Variants in MYRF observed in about 807,000 individuals in gnomAD.
MYRF encodes the protein myelin gene regulatory factor.
In MYRF, 16 loss-of-function variants were observed where a neutral mutation model predicts 126.3. The observed-to-expected ratio is 0.13, with a 90% CI of 0.09 to 0.19. The LOEUF is 0.19. Among genes scored for constraint, MYRF ranks in the 10% least tolerant of loss-of-function variants. The probability of loss-of-function intolerance (pLI) is 1.00; values close to 1 mark genes in which losing one functional copy is unlikely to be tolerated. For synonymous variants in MYRF, 608 were observed against 635.3 expected (o/e 0.96, Z 0.65); for missense variants, 1,104 against 1,547.0 (o/e 0.71, Z 4.80).
chr11:61,763,011 T>C (rs2065942429), intron 1 of MYRF, among the ~76,000 whole-genome samples: 1 of 152,014 alleles, frequency 6.6e-6, no homozygotes. Context: ...TAGGGGCGAT[T>C]AGGAGTGCTC....
intron 1 of MYRF, among the ~76,000 whole-genome samples, chr11:61,764,814 C>T (rs937067691): frequency 1.3e-5 from 2 of 152,196 alleles, no homozygotes; most frequent in African/African-American, 4.8e-5. Context: ...CCGGGGCCAG[C>T]GCAGAGGGCC....
At chr11:61,763,590 G>A (rs1172201873) in intron 1 of MYRF, among the ~76,000 whole-genome samples, 2 of 152,238 alleles carry the variant, frequency 1.3e-5, no homozygotes, top group East Asian at 1.9e-4. Flanking sequence ...TAGGCTGGGC[G>A]TGGTGGCTCA....
At chr11:61,773,267 C>T (rs1234697774) in intron 7 of MYRF, among the ~76,000 whole-genome samples, 2 of 152,092 alleles carry the variant, frequency 1.3e-5, no homozygotes, top group African/African-American at 2.4e-5. Context: ...GGATTACAGG[C>T]GTGAGCCACC....
At chr11:61,773,489 C>A (rs150985113) in intron 7 of MYRF, among the ~76,000 whole-genome samples, 2 of 152,304 alleles carry the variant, frequency 1.3e-5, no homozygotes, top group Non-Finnish European at 2.9e-5. Context: ...AGCCGGTGGG[C>A]AGGGGCTGGG....
rs752119624 is a variant in MYRF at position 61,780,797 on chromosome 11, G to C, written c.2486+5G>C. ...GAGTGAGGCCTTGTGCCCATGGTACGTGCTGACCAGCGCCCCTCTCCTCTG... is the reference window on the plus strand; with the variant it reads ...GAGTGAGGCCTTGTGCCCATGGTACCTGCTGACCAGCGCCCCTCTCCTCTG... On this transcript the variant is annotated splice_donor_5th_base_variant and intron_variant, in intron 19 of 26. Transcript: ENST00000278836. 6.5e-7 allele frequency: 1 copy of C among 1,545,122 alleles called. No individual in the cohort carries two copies. The highest frequency in any genetic ancestry group is 8.7e-7 in the Non-Finnish European group (1 of 1,148,274).
At chr11:61,760,366 G>C (rs1286594672) in intron 1 of MYRF, among the ~76,000 whole-genome samples, 1 of 152,208 alleles carries the variant, frequency 6.6e-6, no homozygotes, top group Non-Finnish European at 1.5e-5. Context: ...CCACAGCACT[G>C]GGGGCCCTCT....
chr11:61,769,936 C>T (rs2066163788), intron 4 of MYRF, among the ~76,000 whole-genome samples: 1 of 151,926 alleles, frequency 6.6e-6, no homozygotes, highest in Non-Finnish European at 1.5e-5. Flanking sequence ...AGAGGAGGAG[C>T]AGGCCTCAGA....
chr11:61,753,696 C>G (rs1337124093), intron 1 of MYRF, among the ~76,000 whole-genome samples: 4 of 151,960 alleles, frequency 2.6e-5, no homozygotes. Flanking sequence ...TGACATACAC[C>G]CCATAATATC....
chr11:61,786,328 C>T lies in MYRF; in HGVS notation c.*185C>T, dbSNP rs975012160. The T allele has an allele frequency of 3.3e-5, 21 of 639,626 alleles. No homozygotes were observed. The highest frequency in any genetic ancestry group is 3.0e-4 in the East Asian group (11 of 36,456). The allele number at this position is 639,626 out of a possible 1,614,324, so 39.6% of individuals were successfully genotyped here. On this transcript the variant is annotated 3_prime_UTR_variant, in exon 27 of 27. Coordinates refer to ENST00000278836, the MANE Select transcript of MYRF (RefSeq NM_001127392.3). This position sits in a 1 kb window ranked among gnomAD's most constrained non-coding sequence, Gnocchi z 4.5. ...TGCTGTTCCAGCTGGTCGCCCCTCA[C>T]GGCACAGAGGGAACCTGAGAGCCAG...
rs1333882333 is a variant in MYRF, at chr11:61,752,686, C to T, written c.-59C>T. On this transcript the variant is annotated 5_prime_UTR_variant, in exon 1 of 27. Coordinates refer to ENST00000278836, the MANE Select transcript of MYRF (RefSeq NM_001127392.3). ...CGCGCGGGCCGCGCCGGCGATGCCG[C>T]GCCCCCGGGCCGGGCTGTAGCGGGG... 1.2e-5 allele frequency: 15 copies of T among 1,233,094 alleles called. No individual in the cohort carries two copies. The highest frequency in any genetic ancestry group is 3.2e-5 in the East Asian group (1 of 31,306). 76.4% of individuals were successfully genotyped at this position (1,233,094 alleles called of 1,614,324 possible).
At position 61,776,390 on chromosome 11, in the gene MYRF, C is replaced by T; in HGVS notation, c.1457C>T (p.Ala486Val). The change falls in exon 10 of 27, where the codon GCT becomes GTT. Residue 486 changes from alanine to valine, a missense_variant. Physicochemically the swap from Ala to Val is moderately conservative, Grantham distance 64. Transcript: ENST00000278836. This position sits in a 1 kb window ranked among gnomAD's most constrained non-coding sequence, Gnocchi z 4.3. ...VGRLHFSETT[A>V]NNMRKKGKPN... ...CGGCTGCACTTCAGCGAGACCACCG[C>T]TAACAACATGCGTAAGAAGGGCAAG... 1 of 1,613,166 alleles carries T rather than the reference C, an allele frequency of 6.2e-7. No homozygotes were observed. Among genetic ancestry groups the T allele is most frequent in the South Asian group, 1.1e-5 (1 of 91,074 alleles).
At position 61,777,899 on chromosome 11, in the gene MYRF, T is replaced by A; in HGVS notation, c.1903+54T>A. The A allele has an allele frequency of 7.2e-7, 1 of 1,395,618 alleles. No homozygotes were observed. Among genetic ancestry groups the A allele is most frequent in the Non-Finnish European group, 9.9e-7 (1 of 1,009,422 alleles). 86.5% of individuals were successfully genotyped at this position (1,395,618 alleles called of 1,614,324 possible). A position where few individuals can be genotyped will look rare whatever the true frequency, so the allele number is the denominator to read the frequency against. On this transcript the variant is annotated intron_variant, in intron 13 of 26. Transcript: ENST00000278836. This position sits in a 1 kb window ranked among gnomAD's most constrained non-coding sequence, Gnocchi z 8.8. ...TCCGGAAACCCAGAAACCTCGGGCCTCAGTGACCTTGCCCCCTGTCACCTG... is the reference window on the plus strand; with the variant it reads ...TCCGGAAACCCAGAAACCTCGGGCCACAGTGACCTTGCCCCCTGTCACCTG...
chr11:61,779,414 G>A lies in MYRF; in HGVS notation c.2165G>A (p.Gly722Asp), dbSNP rs2135857429. The change falls in exon 15 of 27, where the codon GGC becomes GAC. Residue 722 changes from glycine (G) to aspartate (D), a missense_variant. Coordinates refer to ENST00000278836, the MANE Select transcript of MYRF (RefSeq NM_001127392.3). ...LDSLKSTGSS[G>D]AFSHAGSQFS... ...AGCCTCAAGTCCACCGGCAGCTCGG[G>A]CGCCTTCAGGTAGGGGTGCGGGGTG... 6.4e-7 allele frequency: 1 copy of A among 1,551,246 alleles called. No individual in the cohort carries two copies. Among genetic ancestry groups the A allele is most frequent in the Non-Finnish European group, 8.7e-7 (1 of 1,146,918 alleles).
At chr11:61,758,397 G>A (rs2065816419) in intron 1 of MYRF, among the ~76,000 whole-genome samples, 1 of 152,214 alleles carries the variant, frequency 6.6e-6, no homozygotes, top group South Asian at 2.1e-4. Context: ...TAGCTTGGAG[G>A]AGGGAAGTTG....
Position 61,770,475 on chromosome 11 carries a change from C to T in MYRF, c.690C>T (p.His230=), listed in dbSNP as rs755578875. ...GGCTGGTGCCCACTGATCTTCACCA[C>T]ACCCAGCAGTCCCAGATGCTGCACC... ...GQGLVPTDLH[H]TQQSQMLHQL... Residue 230 remains histidine, a synonymous_variant, in exon 5 of 27, where the codon CAC becomes CAT. Coordinates refer to ENST00000278836, the MANE Select transcript of MYRF (RefSeq NM_001127392.3). 1.3e-6 allele frequency: 2 copies of T among 1,564,306 alleles called. No individual in the cohort carries two copies. The highest frequency in any genetic ancestry group is 2.4e-5 in the South Asian group (2 of 85,028).
rs947111822 is a variant in MYRF at position 61,786,331 on chromosome 11, C to A, written c.*188C>A. The stretch of plus-strand genomic sequence containing the variant: ...TGTTCCAGCTGGTCGCCCCTCACGG[C>A]ACAGAGGGAACCTGAGAGCCAGAGA... On this transcript the variant is annotated 3_prime_UTR_variant, in exon 27 of 27. Coordinates refer to ENST00000278836, the MANE Select transcript of MYRF (RefSeq NM_001127392.3). This position sits in a 1 kb window ranked among gnomAD's most constrained non-coding sequence, Gnocchi z 4.5. 9.5e-6 allele frequency: 6 copies of A among 629,438 alleles called. No homozygotes were observed. Among genetic ancestry groups the A allele is most frequent in the African/African-American group, 9.1e-5 (5 of 54,806 alleles). 39.0% of individuals were successfully genotyped at this position (629,438 alleles called of 1,614,324 possible).
chr11:61,761,473 G>T (rs990688446), intron 1 of MYRF, among the ~76,000 whole-genome samples: 1 of 152,212 alleles, frequency 6.6e-6, no homozygotes, highest in Non-Finnish European at 1.5e-5. Flanking sequence ...CAGCCTGCCT[G>T]GGAAGGGGCA....
At chr11:61,775,564 A>G (rs977799956) in intron 8 of MYRF, among the ~76,000 whole-genome samples, 2 of 152,150 alleles carry the variant, frequency 1.3e-5, no homozygotes, top group Non-Finnish European at 2.9e-5. Context: ...GTACCTTGGC[A>G]TGGCTCTGCC....
chr11:61,761,170 G>T (rs1443769569), intron 1 of MYRF, among the ~76,000 whole-genome samples: 4 of 151,972 alleles, frequency 2.6e-5, no homozygotes, highest in East Asian at 1.9e-4. Context: ...GAGGGGGTGG[G>T]CAGGGCACAA....
Sources: allele counts gnomAD v4.1 joint callset (sites outside exome capture counted in the v4.1 genomes callset), GRCh38; gene constraint gnomAD v4.1.1; non-coding constraint Gnocchi (gnomAD v3.1); transcripts MANE v1.5; gene names NCBI Gene and HGNC (gene_info 2026-07-23, HGNC 2026-07-21).